CCDC61: variants seen among roughly 807,000 people sequenced by gnomAD.
The protein encoded by CCDC61 is coiled-coil domain containing 61.
CCDC61 carries 55 observed loss-of-function variants against 63.0 expected under a neutral mutation model. The observed-to-expected ratio is 0.87, with a 90% CI of 0.70 to 1.09. CCDC61 has a LOEUF of 1.09. Among genes scored for constraint, CCDC61 ranks in the 50% least tolerant of loss-of-function variants. The pLI is 0.00. For missense variants in CCDC61, 651 were observed against 731.4 expected (o/e 0.89, Z 1.27); for synonymous variants, 270 against 317.0 (o/e 0.85, Z 1.58).
In CCDC61 at chr19:46,016,076, C is replaced by G; in HGVS notation, c.868C>G (p.Pro290Ala). The G allele has an allele frequency of 8.1e-7, 1 of 1,234,758 alleles. No homozygotes were observed. Among genetic ancestry groups the G allele is most frequent in the South Asian group, 4.1e-5 (1 of 24,682 alleles). 76.5% of individuals were successfully genotyped at this position (1,234,758 alleles called of 1,614,324 possible). The stretch of plus-strand genomic sequence containing the variant: ...CAGGAGGCGGACTCCGCCGGTGCAG[C>G]CGCCCCCGACGCGGGAGGACCGGGC... Reference protein sequence around the residue: ...KRGRRTPPVQPPPTREDRASS... With the variant: ...KRGRRTPPVQAPPTREDRASS... Residue 290 changes from proline to alanine, a missense_variant, in exon 8 of 14, where the codon CCG becomes GCG. Coordinates refer to ENST00000595358, the MANE Select transcript of CCDC61 (RefSeq NM_001267723.2). This position sits in a 1 kb window ranked among gnomAD's most constrained non-coding sequence, Gnocchi z 7.2.
chr19:46,014,695 G>T (rs1162095195), intron 5 of CCDC61, among the ~76,000 whole-genome samples: 2 of 152,170 alleles, frequency 1.3e-5, no homozygotes, highest in Non-Finnish European at 2.9e-5. Context: ...GAGGAGGGAG[G>T]CAGTGCTAGG....
rs1242054821 is a variant in CCDC61, at chr19:46,017,006, G to A, written c.1247G>A (p.Ser416Asn). ...CTCCCTCTAGTGGACAGTTTCCGCA[G>A]CCGCTGCTCGTCTGCCAGCTCCTGC... Reference protein sequence around the residue: ...NRSSSVDSFRSRCSSASSCSD... With the variant: ...NRSSSVDSFRNRCSSASSCSD... Residue 416 changes from serine to asparagine, a missense_variant, in exon 11 of 14, where the codon AGC (serine) becomes AAC (asparagine). Ser to Asn is a conservative substitution (Grantham distance 46, BLOSUM62 1). Transcript: ENST00000595358. 4 of 1,611,818 alleles carry A rather than the reference G, an allele frequency of 2.5e-6. No individual in the cohort carries two copies. Among genetic ancestry groups the A allele is most frequent in the African/African-American group, 2.7e-5 (2 of 75,036 alleles).
Position 46,015,505 on chromosome 19 carries a change from GGGGGC to G in CCDC61, c.845+89_845+93del, listed in dbSNP as rs1237574477. On this transcript the variant is annotated intron_variant, in intron 7 of 13. Coordinates refer to ENST00000595358, the MANE Select transcript of CCDC61 (RefSeq NM_001267723.2). The surrounding 1 kb of genome is among the most constrained non-coding windows in gnomAD (Gnocchi z 5.3). ...TGGAGGCTGATGAGGCGGAGCCTAA[GGGGGC>G]GGGGCGGGGCCAGGTAGGGTGGAGG... 9 of 1,291,204 alleles carry G rather than the reference GGGGGC, an allele frequency of 7.0e-6. No homozygotes were observed. The highest frequency in any genetic ancestry group is 4.5e-5 in the Admixed American group (2 of 44,660). 80.0% of individuals were successfully genotyped at this position (1,291,204 alleles called of 1,614,324 possible). A position where few individuals can be genotyped will look rare whatever the true frequency, so the allele number is the denominator to read the frequency against.
chr19:46,007,729 G>A (rs960526431), intron 4 of CCDC61, among the ~76,000 whole-genome samples: 1 of 152,160 alleles, frequency 6.6e-6, no homozygotes, highest in Non-Finnish European at 1.5e-5. Context: ...ATCTCATGGG[G>A]CCGTTAATCA....
intron 5 of CCDC61, among the ~76,000 whole-genome samples, chr19:46,014,741 G>C (rs1332950204): frequency 6.6e-6 from 1 of 152,188 alleles, no homozygotes; most frequent in Non-Finnish European, 1.5e-5. Flanking sequence ...AAATCGTTTA[G>C]AATTGGAACT....
chr19:46,005,593 A>G (rs548854708), intron 3 of CCDC61, among the ~76,000 whole-genome samples: 12 of 152,272 alleles, frequency 7.9e-5, no homozygotes, highest in South Asian at 6.2e-4. Context: ...GTCTGTGAAC[A>G]CCGAGAAGCT....
chr19:45,997,107 C>T lies in CCDC61; in HGVS notation c.-12+1603C>T, dbSNP rs1192543394. Among the ~76,000 whole-genome samples, 3 of 152,312 alleles carry T rather than the reference C, an allele frequency of 2.0e-5. No individual in the cohort carries two copies. In the East Asian group the frequency reaches 5.8e-4, roughly 29 times the overall value. On this transcript the variant is annotated intron_variant, in intron 1 of 13. Coordinates refer to ENST00000595358, the MANE Select transcript of CCDC61 (RefSeq NM_001267723.2). ...GCAGCCACCCTGGCCTCCCCGCTGTCATTTGAACATAGCGAACACATTGCC... is the reference window on the plus strand; with the variant it reads ...GCAGCCACCCTGGCCTCCCCGCTGTTATTTGAACATAGCGAACACATTGCC...
chr19:45,996,170 A>C (rs1157398989), intron 1 of CCDC61: 2 of 153,000 alleles, frequency 1.3e-5, no homozygotes, highest in African/African-American at 4.8e-5. Context: ...CAGTAGAATG[A>C]CATCATCTCT....
intron 5 of CCDC61, among the ~76,000 whole-genome samples, chr19:46,012,127 T>C (rs184373866): frequency 2.6e-5 from 4 of 152,294 alleles, no homozygotes; most frequent in Non-Finnish European, 5.9e-5. Flanking sequence ...TTTTTAAAAA[T>C]TTTGTGAGCA....
At position 46,016,199 on chromosome 19, in the gene CCDC61, G is replaced by A; in HGVS notation, c.991G>A (p.Ala331Thr). 7.2e-7 allele frequency: 1 copy of A among 1,391,072 alleles called. No individual in the cohort carries two copies. The allele number at this position is 1,391,072 out of a possible 1,614,324, so 86.2% of individuals were successfully genotyped here. A position where few individuals can be genotyped will look rare whatever the true frequency, so the allele number is the denominator to read the frequency against. The change falls in exon 8 of 14, where the codon GCG becomes ACG. Residue 331 changes from alanine (A) to threonine (T), a missense_variant. Physicochemically the swap from Ala to Thr is moderately conservative, Grantham distance 58. Transcript: ENST00000595358. The surrounding 1 kb of genome is among the most constrained non-coding windows in gnomAD (Gnocchi z 7.2). ...GRGSRGRGRP[A>T]RPSPSPTGGR... The stretch of plus-strand genomic sequence containing the variant: ...CGGGAGCCGGGGTCGGGGCCGCCCT[G>A]CGCGCCCCTCGCCCTCGCCCACAGG...
At position 46,008,340 on chromosome 19, in the gene CCDC61, G is replaced by T. The variant is rs778141839; in HGVS notation, c.551+39G>T. On this transcript the variant is annotated intron_variant, in intron 5 of 13. Coordinates refer to ENST00000595358, the MANE Select transcript of CCDC61 (RefSeq NM_001267723.2). ...GGGTGGGCAGCTGGGGCGGGTGGGG[G>T]CCCTCCCATCATGCACCGCGGGGCC... 1.9e-5 allele frequency: 18 copies of T among 941,938 alleles called. No homozygotes were observed. The South Asian group carries it at 2.2e-4, about 12-fold the overall frequency. 58.3% of individuals were successfully genotyped at this position (941,938 alleles called of 1,614,324 possible). A position where few individuals can be genotyped will look rare whatever the true frequency, so the allele number is the denominator to read the frequency against.
At chr19:46,006,737 C>G (rs200030605) in intron 4 of CCDC61, 21 bp downstream of exon 4, 2 of 1,584,828 alleles carry the variant, frequency 1.3e-6, no homozygotes, top group African/African-American at 1.3e-5. Flanking sequence ...GGGTCTGGCT[C>G]CAGGGCCAGG....
At chr19:45,997,389 A>G (rs1000942758) in intron 1 of CCDC61, among the ~76,000 whole-genome samples, 30 of 151,338 alleles carry the variant, frequency 2.0e-4, no homozygotes, top group Non-Finnish European at 5.9e-5. Flanking sequence ...CCTGATATAG[A>G]TTATTATTAT....
At chr19:46,012,388 A>G (rs111395688) in intron 5 of CCDC61, among the ~76,000 whole-genome samples, 44,037 of 152,204 alleles carry the variant, frequency 0.29, 6,632 homozygotes, top group African/African-American at 0.35. Context: ...GCTCACGCCT[A>G]TAATCCCAGC....
chr19:46,006,493 G>A, intron 3 of CCDC61, 66 bp from the exon 4 acceptor site: 2 of 1,438,638 alleles, frequency 1.4e-6, no homozygotes, highest in Non-Finnish European at 1.9e-6. Flanking sequence ...GCCCAGGTGT[G>A]TGCTAGGTGC....
chr19:46,002,861 G>A, intron 1 of CCDC61, 147 bp from the exon 2 acceptor site: 1 of 718,982 alleles, frequency 1.4e-6, no homozygotes, highest in South Asian at 1.8e-5. Flanking sequence ...TTTTCCAGAT[G>A]AGGAAACTAA....
chr19:45,998,319 C>G (rs1968530381), intron 1 of CCDC61, among the ~76,000 whole-genome samples: 1 of 152,192 alleles, frequency 6.6e-6, no homozygotes, highest in Non-Finnish European at 1.5e-5. Context: ...AGAGTTTCTG[C>G]TTGTGTATAG....
chr19:46,017,044 G>C lies in CCDC61; in HGVS notation c.1285G>C (p.Asp429His), dbSNP rs1338063098. The change falls in exon 11 of 14, where the codon GAT (aspartate) becomes CAT (histidine). Residue 429 changes from aspartate (D) to histidine (H), a missense_variant. Transcript: ENST00000595358. Reference protein sequence around the residue: ...SSASSCSDLEDFSESLSRGGH... With the variant: ...SSASSCSDLEHFSESLSRGGH... The stretch of plus-strand genomic sequence containing the variant: ...TGCCAGCTCCTGCAGCGATTTGGAG[G>C]ATTTCTCTGAGTCGCTCTCCAGAGG... The C allele has an allele frequency of 1.9e-6, 3 of 1,612,512 alleles. No homozygotes were observed. Among genetic ancestry groups the C allele is most frequent in the South Asian group, 1.1e-5 (1 of 90,562 alleles).
At chr19:45,998,057 T>C (rs1378968418) in intron 1 of CCDC61, among the ~76,000 whole-genome samples, 4 of 152,210 alleles carry the variant, frequency 2.6e-5, no homozygotes, top group African/African-American at 9.6e-5. Context: ...TTTGACTCCA[T>C]GTGAATATGG....
Sources: allele counts gnomAD v4.1 joint callset (sites outside exome capture counted in the v4.1 genomes callset), GRCh38; gene constraint gnomAD v4.1.1; non-coding constraint Gnocchi (gnomAD v3.1); transcripts MANE v1.5; gene names NCBI Gene and HGNC (gene_info 2026-07-23, HGNC 2026-07-21).